The following OSBP2 variants were observed in gnomAD, a reference collection of about 807,000 sequenced individuals.
The protein encoded by OSBP2 is oxysterol binding protein 2, also known as oxysterol-binding protein 2.
A neutral mutation model predicts 96.0 loss-of-function variants in OSBP2; 66 were observed. That is an observed-to-expected ratio of 0.69 (90% CI 0.56 to 0.84). The LOEUF (loss-of-function observed/expected upper bound fraction) is 0.84, where lower values mean the gene tolerates loss of function less well. OSBP2 is among the 40% of genes least tolerant of loss of function. The pLI is 0.00. For synonymous variants in OSBP2, 525 were observed against 520.9 expected (o/e 1.01, Z -0.11); for missense variants, 1,038 against 1,222.7 (o/e 0.85, Z 2.25).
rs1428128491 is a variant in OSBP2, at chr22:30,731,015, A to T, written c.645-10146A>T. 7.3e-5 allele frequency among the ~76,000 whole-genome samples: 11 copies of T among 150,126 alleles called. No homozygotes were observed. The East Asian group carries it at 2.2e-3, about 30-fold the overall frequency. ...CTGTGAAACCCTGTCTTTACTAAAG[A>T]TGCAAAAAATTAGCCAGGCGTGGTG... On this transcript the variant is annotated intron_variant, in intron 1 of 13. Transcript: ENST00000332585.
intron 2 of OSBP2, among the ~76,000 whole-genome samples, chr22:30,803,739 T>A (rs903023958): frequency 2.6e-5 from 4 of 152,174 alleles, no homozygotes; most frequent in Non-Finnish European, 5.9e-5. Context: ...CTGGCTGTTA[T>A]AAGTGAGCTG....
rs769049978 is a variant in OSBP2 at position 30,906,036 on chromosome 22, T to C, written c.2575T>C (p.Cys859Arg). 3.3e-6 allele frequency: 5 copies of C among 1,533,478 alleles called. No homozygotes were observed. Among genetic ancestry groups the C allele is most frequent in the Middle Eastern group, 1.9e-4 (1 of 5,232 alleles). The allele number at this position is 1,533,478 out of a possible 1,614,324, so 95.0% of individuals were successfully genotyped here. A position where few individuals can be genotyped will look rare whatever the true frequency, so the allele number is the denominator to read the frequency against. Residue 859 changes from cysteine (C) to arginine (R), a missense_variant, in exon 13 of 14, where the codon TGC becomes CGC. Around this residue, in one of 3 missense-constraint regions of OSBP2, gnomAD observed 737 missense variants for 913.3 expected, o/e 0.81. Coordinates refer to ENST00000332585, the MANE Select transcript of OSBP2 (RefSeq NM_030758.4). ...GTCGCGGCGCCGGCGGCTGGAGGCC[T>C]GCGGGCCGGGCAGCAGCTGCAGCTC... The part of the protein sequence containing the change: ...RLSRRRRLEA[C>R]GPGSSCSSEE...
At chr22:30,891,507 GCTGGCGTTGCCCTGGCTC>G (rs766657185) in intron 8 of OSBP2, among the ~76,000 whole-genome samples, 12 of 152,324 alleles carry the variant, frequency 7.9e-5, no homozygotes, top group Non-Finnish European at 1.5e-4. Context: ...TTCTGTTGGT[GCTGGCGTTGCCCTGGCTC>G]CTGGCATGAG....
At chr22:30,837,500 C>G (rs2038660580) in intron 2 of OSBP2, among the ~76,000 whole-genome samples, 2 of 152,184 alleles carry the variant, frequency 1.3e-5, no homozygotes, top group South Asian at 4.2e-4. Flanking sequence ...TTCCAAGAGT[C>G]TGCACTGTGT....
At chr22:30,783,921 T>A (rs996813128) in intron 2 of OSBP2, among the ~76,000 whole-genome samples, 18 of 152,210 alleles carry the variant, frequency 1.2e-4, no homozygotes, top group Non-Finnish European at 1.8e-4. Context: ...GAAATGCCCA[T>A]TGTAATCACT....
intron 1 of OSBP2, among the ~76,000 whole-genome samples, chr22:30,703,332 C>A (rs2089192904): frequency 6.6e-6 from 1 of 151,952 alleles, no homozygotes; most frequent in Non-Finnish European, 1.5e-5. Flanking sequence ...CACCACCACA[C>A]CCAGCTAATT....
intron 2 of OSBP2, among the ~76,000 whole-genome samples, chr22:30,827,217 G>A (rs2038423571): frequency 6.6e-6 from 1 of 152,190 alleles, no homozygotes; most frequent in South Asian, 2.1e-4. Context: ...GAAAGGATGT[G>A]AAGTGGGGAG....
intron 2 of OSBP2, among the ~76,000 whole-genome samples, chr22:30,786,164 G>A (rs1464520854): frequency 6.6e-6 from 1 of 152,148 alleles, no homozygotes; most frequent in Non-Finnish European, 1.5e-5. Context: ...TGGGATTACA[G>A]GCGTGTGCCA....
At chr22:30,792,441 C>T (rs1403060177) in intron 2 of OSBP2, among the ~76,000 whole-genome samples, 1 of 152,136 alleles carries the variant, frequency 6.6e-6, no homozygotes, top group Non-Finnish European at 1.5e-5. Context: ...TATAAACCTT[C>T]CTGTAAATGC....
At chr22:30,820,528 A>T in intron 2 of OSBP2, among the ~76,000 whole-genome samples, 1 of 152,156 alleles carries the variant, frequency 6.6e-6, no homozygotes, top group East Asian at 1.9e-4. Context: ...CTTGCAGAGC[A>T]TGGTTCTCTG....
intron 12 of OSBP2, among the ~76,000 whole-genome samples, chr22:30,900,768 C>A (rs1262069720): frequency 2.0e-5 from 3 of 152,086 alleles, no homozygotes; most frequent in Non-Finnish European, 2.9e-5. Context: ...CAAATAATGG[C>A]CTTACAGTAA....
intron 2 of OSBP2, among the ~76,000 whole-genome samples, chr22:30,843,453 C>G (rs1047784426): frequency 2.7e-5 from 4 of 148,314 alleles, no homozygotes; most frequent in Admixed American, 6.7e-5. Context: ...TTCCCCCCTC[C>G]CCCTTGAGCA....
intron 2 of OSBP2, chr22:30,822,718 T>C (rs1306511975): frequency 1.3e-6 from 2 of 1,518,882 alleles, no homozygotes; most frequent in East Asian, 2.5e-5. Context: ...GGGTTAGTGC[T>C]TGCCGGGCTT....
At position 30,889,233 on chromosome 22, in the gene OSBP2, A is replaced by C. The variant is rs753893861; in HGVS notation, c.1475A>C (p.Asn492Thr). The change falls in exon 6 of 14, where the codon AAT becomes ACT. Residue 492 changes from asparagine (N) to threonine (T), a missense_variant and splice_region_variant. By Grantham distance (65) the Asn-to-Thr change is moderately conservative. Around this residue, in one of 3 missense-constraint regions of OSBP2, gnomAD observed 737 missense variants for 913.3 expected, o/e 0.81. Transcript: ENST00000332585. ...TSSVDWSSAD[N>T]VLDGASLVPK... ...TCCGTGGACTGGAGCTCAGCAGACA[A>C]TGTAAGTGAGGGGGAGCACTGTAAG... The C allele has an allele frequency of 2.5e-6, 4 of 1,612,620 alleles. No homozygotes were observed. Among genetic ancestry groups the C allele is most frequent in the Non-Finnish European group, 3.4e-6 (4 of 1,179,610 alleles).
At chr22:30,831,997 G>A (rs757708427) in intron 2 of OSBP2, among the ~76,000 whole-genome samples, 9 of 152,136 alleles carry the variant, frequency 5.9e-5, no homozygotes, top group Non-Finnish European at 1.3e-4. Flanking sequence ...TCTTTCTGGT[G>A]ATGATCTGAC....
intron 2 of OSBP2, among the ~76,000 whole-genome samples, chr22:30,843,776 G>C (rs1049225338): frequency 1.3e-5 from 2 of 152,156 alleles, no homozygotes; most frequent in African/African-American, 4.8e-5. Context: ...GCTGAGGTGG[G>C]AGGATCAGTT....
intron 1 of OSBP2, among the ~76,000 whole-genome samples, chr22:30,740,336 G>T (rs754679277): frequency 1.3e-5 from 2 of 152,212 alleles, no homozygotes; most frequent in Non-Finnish European, 2.9e-5. Flanking sequence ...GATCCATCAA[G>T]TGCAGGGTTT....
chr22:30,884,832 A>G (rs556545785), intron 3 of OSBP2, among the ~76,000 whole-genome samples: 1 of 152,276 alleles, frequency 6.6e-6, no homozygotes, highest in African/African-American at 2.4e-5. Context: ...GGTAGGTGTC[A>G]CTTGGCAGCA....
At chr22:30,872,085 T>G (rs1388424551) in intron 3 of OSBP2, among the ~76,000 whole-genome samples, 5 of 152,044 alleles carry the variant, frequency 3.3e-5, no homozygotes. Flanking sequence ...TGCTGGGGGG[T>G]GGGGGGCAGT....
Sources: allele counts gnomAD v4.1 joint callset (sites outside exome capture counted in the v4.1 genomes callset), GRCh38; gene constraint gnomAD v4.1.1; regional missense constraint gnomAD v4.1.1; transcripts MANE v1.5; gene names NCBI Gene and HGNC (gene_info 2026-07-23, HGNC 2026-07-21).